NAALADL2: variants seen among roughly 807,000 people sequenced by gnomAD.
NAALADL2 encodes N-acetylated alpha-linked acidic dipeptidase like 2.
Under a neutral mutation model 87.2 loss-of-function variants are expected in NAALADL2, and 76 were observed. That is an observed-to-expected ratio of 0.87 (90% CI 0.72 to 1.05). The LOEUF is 1.05. NAALADL2 is among the 50% of genes least tolerant of loss of function. NAALADL2 has a pLI of 0.00. For missense variants in NAALADL2, 1,089 were observed against 945.8 expected, an observed-to-expected ratio of 1.15 and a Z score of -1.99; for synonymous variants, 354 against 331.0, an observed-to-expected ratio of 1.07 and a Z score of -0.75.
chr3:175,724,395 T>C (rs115452503), intron 11 of NAALADL2, among the ~76,000 whole-genome samples: 2,911 of 152,272 alleles, frequency 0.019, 39 homozygotes, highest in Non-Finnish European at 0.027. Flanking sequence ...ATACATGTAT[T>C]TTTAGATTCA....
chr3:174,511,882 G>A (rs966877970), intron 1 of NAALADL2, among the ~76,000 whole-genome samples: 5 of 151,896 alleles, frequency 3.3e-5, no homozygotes, highest in Admixed American at 3.3e-4. Context: ...GTTTACCACC[G>A]AATAATGTTA....
chr3:174,586,942 T>C (rs1716790480), intron 2 of NAALADL2, among the ~76,000 whole-genome samples: 2 of 152,174 alleles, frequency 1.3e-5, no homozygotes, highest in South Asian at 4.2e-4. Context: ...CGTTAACTCT[T>C]CATTTACATT....
At chr3:175,693,784 C>G (rs1035419923) in intron 11 of NAALADL2, among the ~76,000 whole-genome samples, 2 of 152,050 alleles carry the variant, frequency 1.3e-5, no homozygotes, top group Non-Finnish European at 2.9e-5. Flanking sequence ...CTGCAACCTC[C>G]CCGACCCGGG....
intron 5 of NAALADL2, among the ~76,000 whole-genome samples, chr3:175,386,341 C>T (rs1768378191): frequency 6.6e-6 from 1 of 151,864 alleles, no homozygotes. Context: ...TTGCTGCATC[C>T]ATCCTAATGG....
At chr3:175,559,720 T>C (rs1333451033) in intron 9 of NAALADL2, among the ~76,000 whole-genome samples, 1 of 152,228 alleles carries the variant, frequency 6.6e-6, no homozygotes, top group East Asian at 1.9e-4. Context: ...CTTCATCCTG[T>C]TGAAATGGTG....
chr3:174,934,191 T>C (rs1737324862), intron 1 of NAALADL2, among the ~76,000 whole-genome samples: 2 of 152,190 alleles, frequency 1.3e-5, no homozygotes, highest in Admixed American at 6.5e-5. Context: ...CTCTCTCCTA[T>C]TTCTAGCACC....
chr3:174,972,870 C>A (rs1243297625), intron 1 of NAALADL2, among the ~76,000 whole-genome samples: 1 of 151,976 alleles, frequency 6.6e-6, no homozygotes, highest in Non-Finnish European at 1.5e-5. Context: ...GTGATGCATG[C>A]CCATAATCCC....
At chr3:174,916,789 C>A (rs910516619) in intron 1 of NAALADL2, among the ~76,000 whole-genome samples, 2 of 151,974 alleles carry the variant, frequency 1.3e-5, no homozygotes, top group African/African-American at 4.8e-5. Context: ...GATGGGTGTA[C>A]TAAAATCTCT....
chr3:175,236,092 G>A (rs530268559), intron 3 of NAALADL2, among the ~76,000 whole-genome samples: 27 of 152,196 alleles, frequency 1.8e-4, no homozygotes, highest in Non-Finnish European at 3.2e-4. Flanking sequence ...GTATTTGTTG[G>A]TCTTACTGTA....
At chr3:174,818,138 G>A (rs911594397) in intron 3 of NAALADL2, among the ~76,000 whole-genome samples, 33 of 152,070 alleles carry the variant, frequency 2.2e-4, no homozygotes, top group African/African-American at 6.8e-4. Flanking sequence ...TCTTTACCCC[G>A]TTGTGTCCTT....
chr3:174,792,918 G>C (rs986631045), intron 3 of NAALADL2, among the ~76,000 whole-genome samples: 1 of 152,022 alleles, frequency 6.6e-6, no homozygotes, highest in Non-Finnish European at 1.5e-5. Context: ...AGCTTTAAAG[G>C]GTTTGGCAGT....
intron 5 of NAALADL2, among the ~76,000 whole-genome samples, chr3:175,388,776 T>A (rs2149011508): frequency 6.6e-6 from 1 of 152,276 alleles, no homozygotes; most frequent in South Asian, 2.1e-4. Context: ...TGGTCATTTT[T>A]TATAACTCTG....
chr3:175,423,374 T>C (rs1486806756), intron 5 of NAALADL2, among the ~76,000 whole-genome samples: 2 of 151,326 alleles, frequency 1.3e-5, no homozygotes, highest in Non-Finnish European at 2.9e-5. Context: ...CATTAACTCG[T>C]CATTTAACAT....
At chr3:175,085,814 A>C (rs62287684) in intron 1 of NAALADL2, among the ~76,000 whole-genome samples, 35,298 of 152,054 alleles carry the variant, frequency 0.23, 4,221 homozygotes, top group East Asian at 0.33. Flanking sequence ...GCTACTCGGG[A>C]GGCTGAGGCA....
At chr3:175,454,602 G>A (rs889851400) in intron 6 of NAALADL2, among the ~76,000 whole-genome samples, 2 of 152,092 alleles carry the variant, frequency 1.3e-5, no homozygotes, top group African/African-American at 4.8e-5. Flanking sequence ...CCCTTAGGTT[G>A]AAGATAGCCT....
intron 3 of NAALADL2, among the ~76,000 whole-genome samples, chr3:174,791,069 A>C (rs1414004548): frequency 6.6e-6 from 1 of 152,226 alleles, no homozygotes; most frequent in Non-Finnish European, 1.5e-5. Context: ...ACTGCATCTC[A>C]GAAAACTTCC....
intron 2 of NAALADL2, among the ~76,000 whole-genome samples, chr3:174,584,597 C>G (rs1262059506): frequency 6.6e-6 from 1 of 151,968 alleles, no homozygotes; most frequent in Non-Finnish European, 1.5e-5. Context: ...AAATTATGGT[C>G]AGATTCCCTA....
chr3:175,801,128 T>C (rs773432246), intron 13 of NAALADL2, among the ~76,000 whole-genome samples: 17 of 152,158 alleles, frequency 1.1e-4, no homozygotes, highest in Non-Finnish European at 1.9e-4. Flanking sequence ...AATTTTGTGC[T>C]GTGGCCCTGA....
At chr3:174,747,621 C>CAAAAAAAAA (rs150843588) in intron 3 of NAALADL2, among the ~76,000 whole-genome samples, 7 of 38,634 alleles carry the variant, frequency 1.8e-4, no homozygotes, top group Non-Finnish European at 3.0e-4. Flanking sequence ...GACCCCATCT[C>CAAAAAAAAA]AAAAAAAAAA....
Sources: allele counts gnomAD v4.1 joint callset (sites outside exome capture counted in the v4.1 genomes callset), GRCh38; gene constraint gnomAD v4.1.1; transcripts MANE v1.5; gene names NCBI Gene and HGNC (gene_info 2026-07-23, HGNC 2026-07-21).